RCBTB1: variants seen among roughly 807,000 people sequenced by gnomAD.
RCBTB1 encodes the protein RCC1 and BTB domain-containing protein 1.
RCBTB1 carries 46 observed loss-of-function variants against 62.4 expected under a neutral mutation model. That is an observed-to-expected ratio of 0.74 (90% CI 0.58 to 0.94). The LOEUF (loss-of-function observed/expected upper bound fraction) is 0.94, where lower values mean the gene tolerates loss of function less well. RCBTB1 is among the 40% of genes least tolerant of loss of function. The pLI is 0.00. For missense variants in RCBTB1, 565 were observed against 654.9 expected (o/e 0.86, Z 1.50); for synonymous variants, 222 against 245.8 (o/e 0.90, Z 0.91).
chr13:49,584,655 G>T (rs1272269762), intron 1 of RCBTB1, among the ~76,000 whole-genome samples: 1 of 152,100 alleles, frequency 6.6e-6, no homozygotes, highest in African/African-American at 2.4e-5. Context: ...AGGGCTTTTA[G>T]TCCTCCCAAA....
chr13:49,582,361 C>T (rs1964153587), intron 1 of RCBTB1, among the ~76,000 whole-genome samples: 1 of 152,108 alleles, frequency 6.6e-6, no homozygotes, highest in African/African-American at 2.4e-5. Context: ...GTGGTGGGTG[C>T]CTGTAATCGC....
At chr13:49,548,420 T>G (rs1018602266) in intron 9 of RCBTB1, among the ~76,000 whole-genome samples, 2 of 149,444 alleles carry the variant, frequency 1.3e-5, no homozygotes, top group Non-Finnish European at 3.0e-5. Flanking sequence ...AGAAAGTTCA[T>G]CTTTGATTGG....
chr13:49,578,444 T>C (rs1281220055), intron 2 of RCBTB1, among the ~76,000 whole-genome samples: 1 of 152,256 alleles, frequency 6.6e-6, no homozygotes, highest in African/African-American at 2.4e-5. Flanking sequence ...TCTTCTGCAA[T>C]GACCCCAGAT....
intron 9 of RCBTB1, among the ~76,000 whole-genome samples, chr13:49,546,562 AT>A: frequency 6.6e-6 from 1 of 152,346 alleles, no homozygotes; most frequent in South Asian, 2.1e-4. Flanking sequence ...ACAACTCACC[AT>A]AATGTAGAAT....
intron 5 of RCBTB1, among the ~76,000 whole-genome samples, chr13:49,558,005 G>A (rs1450355865): frequency 2.0e-5 from 3 of 152,170 alleles, no homozygotes; most frequent in Non-Finnish European, 4.4e-5. Flanking sequence ...ACAAAGTGTG[G>A]CTTACAGCAG....
rs183135462 is a variant in RCBTB1 at position 49,557,236 on chromosome 13, G to A, written c.445-1563C>T. 2.6e-5 allele frequency among the ~76,000 whole-genome samples: 4 copies of A among 152,284 alleles called. No individual in the cohort carries two copies. The East Asian group carries it at 5.8e-4, about 22-fold the overall frequency. On this transcript the variant is annotated intron_variant, in intron 5 of 12. Transcript: ENST00000378302. ...GACAGCAAAGCAAGACTGGACAGAC[G>A]GATCAACTTAAAAGATAGGGAATAG...
intron 8 of RCBTB1, 176 bp downstream of exon 8, chr13:49,551,145 AGGGGG>A: frequency 4.8e-6 from 2 of 418,852 alleles, no homozygotes; most frequent in Non-Finnish European, 7.7e-6. Flanking sequence ...AGAAGGGGGA[AGGGGG>A]AAGCAGGGAG....
chr13:49,583,800 A>G (rs1964240126), intron 1 of RCBTB1, among the ~76,000 whole-genome samples: 1 of 152,136 alleles, frequency 6.6e-6, no homozygotes, highest in Non-Finnish European at 1.5e-5. Context: ...TGTCGCCTCA[A>G]TCTCCCAAAA....
Position 49,560,011 on chromosome 13 carries a change from A to G in RCBTB1, c.351T>C (p.Ala117=). 1.2e-6 allele frequency: 2 copies of G among 1,614,222 alleles called. No individual in the cohort carries two copies. Among genetic ancestry groups the G allele is most frequent in the Non-Finnish European group, 1.7e-6 (2 of 1,180,042 alleles). ...LGNGTTNQGI[A]PVQVCTNLLI... is the part of the protein sequence containing the mutation. ...AGAGATTGGTACAGACCTGGACGGGAGCAATGCCTTGGTTGGTCGTCCCAT... is the reference window on the plus strand; with the variant it reads ...AGAGATTGGTACAGACCTGGACGGGGGCAATGCCTTGGTTGGTCGTCCCAT... Residue 117 remains alanine (A), a synonymous_variant, in exon 5 of 13, where the codon GCT becomes GCC. Coordinates refer to ENST00000378302, the MANE Select transcript of RCBTB1 (RefSeq NM_018191.4).
intron 11 of RCBTB1, 100 bp from the exon 12 acceptor site, chr13:49,541,106 G>A (rs1960329196): frequency 2.8e-5 from 27 of 954,794 alleles, no homozygotes; most frequent in Non-Finnish European, 4.1e-5. Flanking sequence ...TAAATTAGAA[G>A]TTTCTTAGTG....
chr13:49,537,563 G>A (rs1960034523), intron 12 of RCBTB1, among the ~76,000 whole-genome samples: 1 of 152,160 alleles, frequency 6.6e-6, no homozygotes, highest in Non-Finnish European at 1.5e-5. Flanking sequence ...TAAGATATAA[G>A]TTGCTTAGCA....
intron 5 of RCBTB1, among the ~76,000 whole-genome samples, chr13:49,559,529 G>A (rs951870426): frequency 5.3e-5 from 8 of 151,962 alleles, no homozygotes; most frequent in African/African-American, 1.5e-4. Context: ...GGTGGTGGGT[G>A]CCTGTAGTCC....
chr13:49,571,661 A>G (rs374759756), intron 2 of RCBTB1, among the ~76,000 whole-genome samples: 1 of 152,156 alleles, frequency 6.6e-6, no homozygotes, highest in Non-Finnish European at 1.5e-5. Flanking sequence ...TTGTGGGGCT[A>G]TGTGCCAGGC....
Position 49,545,985 on chromosome 13 carries a change from T to G in RCBTB1, c.1046-1122A>C, listed in dbSNP as rs151191206. 578 of 562,200 alleles carry G rather than the reference T, an allele frequency of 1.0e-3. 4 individuals carry two copies. In the African/African-American group the frequency reaches 0.011, roughly 11 times the overall value. 34.8% of individuals were successfully genotyped at this position (562,200 alleles called of 1,614,324 possible). On this transcript the variant is annotated intron_variant, in intron 9 of 12. Coordinates refer to ENST00000378302, the MANE Select transcript of RCBTB1 (RefSeq NM_018191.4). The stretch of plus-strand genomic sequence containing the variant: ...AACTGACAGCCCTCCCTCCACCCCA[T>G]GCAATGCAGAGCTCTCCTGGCTACA...
At chr13:49,554,076 C>A (rs979373490) in intron 6 of RCBTB1, among the ~76,000 whole-genome samples, 1 of 152,110 alleles carries the variant, frequency 6.6e-6, no homozygotes, top group Non-Finnish European at 1.5e-5. Context: ...ATGGTCTGAT[C>A]ACAGACACAG....
At chr13:49,542,247 A>G (rs1044357308) in intron 10 of RCBTB1, among the ~76,000 whole-genome samples, 2 of 151,634 alleles carry the variant, frequency 1.3e-5, no homozygotes, top group Non-Finnish European at 2.9e-5. Flanking sequence ...ATTAACTACT[A>G]TCTGGGCCTG....
rs1271860832 is a variant in RCBTB1, at chr13:49,585,548, AGAG to A, written c.-229_-227del. ...GAGCGGCGGTGCCCACCGGCAGCGAAGAGGAGGAGCGCCAGGGCGCCGGGCCCG... is the reference window on the plus strand; with the variant it reads ...GAGCGGCGGTGCCCACCGGCAGCGAAGAGGAGCGCCAGGGCGCCGGGCCCG... On this transcript the variant is annotated 5_prime_UTR_variant, in exon 1 of 13. Coordinates refer to ENST00000378302, the MANE Select transcript of RCBTB1 (RefSeq NM_018191.4). The A allele has an allele frequency of 2.0e-5, 3 of 151,750 alleles. No homozygotes were observed. The highest frequency in any genetic ancestry group is 4.0e-4 in the East Asian group (2 of 4,940). 9.4% of individuals were successfully genotyped at this position (151,750 alleles called of 1,614,324 possible). A position where few individuals can be genotyped will look rare whatever the true frequency, so the allele number is the denominator to read the frequency against.
rs1960360928 is a variant in RCBTB1 at position 49,541,525 on chromosome 13, C to T, written c.1324+151G>A. The T allele has an allele frequency of 1.9e-5, 13 of 686,804 alleles. No individual in the cohort carries two copies. The South Asian group carries it at 3.5e-4, about 18-fold the overall frequency. The allele number at this position is 686,804 out of a possible 1,614,324, so 42.5% of individuals were successfully genotyped here. A position where few individuals can be genotyped will look rare whatever the true frequency, so the allele number is the denominator to read the frequency against. On this transcript the variant is annotated intron_variant, in intron 11 of 12. Transcript: ENST00000378302. Reference sequence around the variant, plus strand: ...AAAACTATTAACCATAATAACTACACAATACTACTTTTAAAGATACTTACT... The same window carrying T: ...AAAACTATTAACCATAATAACTACATAATACTACTTTTAAAGATACTTACT...
Position 49,567,268 on chromosome 13 carries a change from G to A in RCBTB1, c.12C>T (p.Val4=), listed in dbSNP as rs759212043. Residue 4 remains valine, a synonymous_variant, in exon 3 of 13, where the codon GTC becomes GTT. Coordinates refer to ENST00000378302, the MANE Select transcript of RCBTB1 (RefSeq NM_018191.4). Reference sequence around the variant, plus strand: ...GTAGAGTGAAGATGGGCCACTTTCCGACATCCACCATGACTCTGGCTTCAA... The same window carrying A: ...GTAGAGTGAAGATGGGCCACTTTCCAACATCCACCATGACTCTGGCTTCAA... MVD[V]GKWPIFTLLS... 40 of 1,613,766 alleles carry A rather than the reference G, an allele frequency of 2.5e-5. 1 individual carries two copies. The highest frequency in any genetic ancestry group is 2.0e-4 in the South Asian group (18 of 91,078).
Sources: gnomAD v4.1 joint callset for allele counts (sites outside exome capture counted in the v4.1 genomes callset) on GRCh38, gnomAD v4.1.1 for gene constraint, MANE v1.5 for transcripts, NCBI Gene and HGNC (gene_info 2026-07-23, HGNC 2026-07-21) for gene names.